The following AZU1 variants were observed in gnomAD, a reference collection of about 807,000 sequenced individuals.
The protein encoded by AZU1 is azurocidin 1.
AZU1 carries 21 observed loss-of-function variants against 17.8 expected under a neutral mutation model. That is an observed-to-expected ratio of 1.18 (90% CI 0.84 to 1.70). AZU1 has a LOEUF of 1.70. Ranked by LOEUF, AZU1 falls within the 40% of genes most tolerant of loss-of-function variation. The pLI is 0.00. For missense variants in AZU1, 379 were observed against 362.9 expected, an observed-to-expected ratio of 1.04 and a Z score of -0.36; for synonymous variants, 178 against 155.2, an observed-to-expected ratio of 1.15 and a Z score of -1.09.
Position 830,725 on chromosome 19 carries a change from C to G in AZU1, c.378C>G (p.Asn126Lys). Residue 126 changes from asparagine to lysine, a missense_variant, in exon 4 of 5, where the codon AAC becomes AAG. Transcript: ENST00000233997. The stretch of plus-strand genomic sequence containing the variant: ...TTCCCCAGCTGGACCGTGAGGCCAA[C>G]CTCACCAGCAGCGTGACGATACTGC... ...LMLLQLDREA[N>K]LTSSVTILPL... 1 of 1,577,802 alleles carries G rather than the reference C, an allele frequency of 6.3e-7. No homozygotes were observed.
chr19:828,514 G>A, intron 2 of AZU1, 128 bp downstream of exon 2: 1 of 1,014,722 alleles, frequency 9.9e-7, no homozygotes, highest in Admixed American at 3.4e-5. Flanking sequence ...AGGGGCTCAG[G>A]GAAAGGAGGG....
chr19:831,784 C>G lies in AZU1; in HGVS notation c.663C>G (p.Pro221=). The change falls in exon 5 of 5, where the codon CCC becomes CCG. Residue 221 remains proline, a synonymous_variant. Coordinates refer to ENST00000233997, the MANE Select transcript of AZU1 (RefSeq NM_001700.5). ...GCGTGGCCTCCTTTTCCCTGGGGCC[C>G]TGTGGCCGAGGCCCTGACTTCTTCA... ...AHGVASFSLG[P]CGRGPDFFTR... 4 of 1,612,626 alleles carry G rather than the reference C, an allele frequency of 2.5e-6. No homozygotes were observed. Among genetic ancestry groups the G allele is most frequent in the Non-Finnish European group, 2.5e-6 (3 of 1,179,784 alleles).
At chr19:831,277 T>G in intron 4 of AZU1, 1 of 333,668 alleles carries the variant, frequency 3.0e-6, no homozygotes, top group Non-Finnish European at 5.5e-6. Context: ...ACAGGGTTTC[T>G]CCATGTGGGT....
chr19:831,903 C>A lies in AZU1; in HGVS notation c.*26C>A. 6.3e-7 allele frequency: 1 copy of A among 1,596,138 alleles called. No homozygotes were observed. The highest frequency in any genetic ancestry group is 8.5e-7 in the Non-Finnish European group (1 of 1,169,710). On this transcript the variant is annotated 3_prime_UTR_variant, in exon 5 of 5. Transcript: ENST00000233997. ...GGGGGCCTGTGACCTCCCATGGAGC[C>A]CAGCCCCGCCCTCCACACCTCCGGC... is the stretch of plus-strand genomic sequence containing the variant.
chr19:828,946 G>C (rs1285481735), intron 2 of AZU1, among the ~76,000 whole-genome samples: 2 of 119,396 alleles, frequency 1.7e-5, no homozygotes, highest in African/African-American at 6.7e-5. Context: ...AAGGGAAGGG[G>C]GTCAGATGGA....
intron 1 of AZU1, 113 bp downstream of exon 1, chr19:828,017 C>A: frequency 1.4e-6 from 2 of 1,447,112 alleles, no homozygotes; most frequent in Admixed American, 2.0e-5. Context: ...GGTCACACAG[C>A]CAGCCCGGCC....
chr19:828,199 G>C, intron 1 of AZU1, 31 bp from the exon 2 acceptor site: 1 of 1,566,240 alleles, frequency 6.4e-7, no homozygotes, highest in Non-Finnish European at 8.6e-7. Flanking sequence ...TGGATTCTTG[G>C]GGATCTCAGA....
At chr19:828,573 T>C (rs568175222) in intron 2 of AZU1, among the ~76,000 whole-genome samples, 187 bp downstream of exon 2, 17 of 143,196 alleles carry the variant, frequency 1.2e-4, no homozygotes, top group African/African-American at 3.2e-4. Flanking sequence ...CCCAAGGATA[T>C]TGGGGGGCTC....
At chr19:829,252 G>A (rs1297785479) in intron 2 of AZU1, among the ~76,000 whole-genome samples, 23 of 148,918 alleles carry the variant, frequency 1.5e-4, no homozygotes, top group South Asian at 2.2e-4. Context: ...GGCTCAGATG[G>A]AGGAGGTGCA....
At chr19:828,931 C>T (rs1354626539) in intron 2 of AZU1, among the ~76,000 whole-genome samples, 2 of 109,290 alleles carry the variant, frequency 1.8e-5, no homozygotes, top group South Asian at 7.0e-4. Flanking sequence ...GGAGGAGGTG[C>T]GGAGAAGGGA....
intron 1 of AZU1, 106 bp from the exon 2 acceptor site, chr19:828,124 C>A: frequency 2.9e-6 from 4 of 1,375,338 alleles, no homozygotes; most frequent in Non-Finnish European, 4.0e-6. Context: ...GGGTGGGTCC[C>A]CCCGCAGCCC....
rs570804979 is a variant in AZU1, at chr19:830,840, C to T, written c.493C>T (p.Arg165Cys). 8.1e-6 allele frequency: 13 copies of T among 1,608,284 alleles called. No homozygotes were observed. Among genetic ancestry groups the T allele is most frequent in the African/African-American group, 4.0e-5 (3 of 74,926 alleles). The change falls in exon 4 of 5, where the codon CGT (arginine) becomes TGT (cysteine). Residue 165 changes from arginine to cysteine, a missense_variant. Transcript: ENST00000233997. ...GSQRSGGRLS[R>C]FPRFVNVTVT... is the part of the protein sequence containing the mutation. Reference sequence around the variant, plus strand: ...CCAGCGCAGTGGGGGGCGTCTCTCCCGTTTTCCCAGGTTTGTCAACGTGAC... The same window carrying T: ...CCAGCGCAGTGGGGGGCGTCTCTCCTGTTTTCCCAGGTTTGTCAACGTGAC...
chr19:830,862 T>G lies in AZU1; in HGVS notation c.515T>G (p.Val172Gly). 7 of 1,607,664 alleles carry G rather than the reference T, an allele frequency of 4.4e-6. No individual in the cohort carries two copies. The highest frequency in any genetic ancestry group is 5.9e-6 in the Non-Finnish European group (7 of 1,179,946). The change falls in exon 4 of 5, where the codon GTG (valine) becomes GGG (glycine). Residue 172 changes from valine (V) to glycine (G), a missense_variant. By Grantham distance (109) the Val-to-Gly change is moderately radical. Transcript: ENST00000233997. The part of the protein sequence containing the change: ...RLSRFPRFVN[V>G]TVTPEDQCRP... ...TCCCGTTTTCCCAGGTTTGTCAACG[T>G]GACTGTGACCCCCGAGGACCAGTGT...
intron 4 of AZU1, chr19:831,487 C>T: frequency 3.7e-6 from 2 of 543,756 alleles, no homozygotes; most frequent in South Asian, 2.8e-5. Flanking sequence ...GTGTGATTGC[C>T]AGGGGAGGGG....
At chr19:828,143 G>A in intron 1 of AZU1, 87 bp from the exon 2 acceptor site, 2 of 1,462,420 alleles carry the variant, frequency 1.4e-6, no homozygotes, top group Non-Finnish European at 1.8e-6. Context: ...CCCACTGGGT[G>A]GATAGAGCTG....
In AZU1 at chr19:828,360, G is replaced by C. The variant is rs755091033; in HGVS notation, c.189G>C (p.Met63Ile). The part of the protein sequence containing the change: ...GGALIHARFV[M>I]TAASCFQSQN... ...CCCTGATCCATGCCCGCTTCGTGATGACCGCGGCCAGCTGCTTCCAAAGCC... is the reference window on the plus strand; with the variant it reads ...CCCTGATCCATGCCCGCTTCGTGATCACCGCGGCCAGCTGCTTCCAAAGCC... Residue 63 changes from methionine to isoleucine, a missense_variant, in exon 2 of 5, where the codon ATG becomes ATC. Transcript: ENST00000233997. 1 of 1,596,852 alleles carries C rather than the reference G, an allele frequency of 6.3e-7. No homozygotes were observed. Among genetic ancestry groups the C allele is most frequent in the Admixed American group, 1.7e-5 (1 of 57,710 alleles).
Position 830,745 on chromosome 19 carries a change from T to TACTGCC in AZU1, c.405_410dup (p.Pro137_Leu138dup), listed in dbSNP as rs1568293205. 1.3e-6 allele frequency: 2 copies of TACTGCC among 1,596,358 alleles called. No individual in the cohort carries two copies. Among genetic ancestry groups the TACTGCC allele is most frequent in the East Asian group, 2.2e-5 (1 of 44,794 alleles). On this transcript the variant is annotated inframe_insertion, in exon 4 of 5. Coordinates refer to ENST00000233997, the MANE Select transcript of AZU1 (RefSeq NM_001700.5). Reference sequence around the variant, plus strand: ...GCCAACCTCACCAGCAGCGTGACGATACTGCCACTGCCTCTGCAGAACGCC... The same window carrying TACTGCC: ...GCCAACCTCACCAGCAGCGTGACGATACTGCCACTGCCACTGCCTCTGCAGAACGCC...
rs1440860562 is a variant in AZU1 at position 831,948 on chromosome 19, C to A, written c.*71C>A. 4.0e-6 allele frequency: 6 copies of A among 1,509,240 alleles called. No homozygotes were observed. In the Admixed American group the frequency reaches 7.9e-5, roughly 20 times the overall value. The allele number at this position is 1,509,240 out of a possible 1,614,324, so 93.5% of individuals were successfully genotyped here. On this transcript the variant is annotated 3_prime_UTR_variant, in exon 5 of 5. Coordinates refer to ENST00000233997, the MANE Select transcript of AZU1 (RefSeq NM_001700.5). ...TCCGGCGCTCCGCACCCACCTCCCACGGCCCCGCCCCTGCCCCCGCTCCGG... is the reference window on the plus strand; with the variant it reads ...TCCGGCGCTCCGCACCCACCTCCCAAGGCCCCGCCCCTGCCCCCGCTCCGG...
Position 831,857 on chromosome 19 carries a change from C to T in AZU1, c.736C>T (p.Pro246Ser), listed in dbSNP as rs1336034521. The change falls in exon 5 of 5, where the codon CCG (proline) becomes TCG (serine). Residue 246 changes from proline (P) to serine (S), a missense_variant. Physicochemically the swap from Pro to Ser is moderately conservative, Grantham distance 74. Transcript: ENST00000233997. ...CTGGATCGATGGTGTTCTCAACAAC[C>T]CGGGACCGGGGCCAGCCTAGGGGGG... ...RDWIDGVLNN[P>S]GPGPA 3.1e-6 allele frequency: 5 copies of T among 1,612,268 alleles called. No individual in the cohort carries two copies. In the South Asian group the frequency reaches 3.3e-5, roughly 11 times the overall value.
Sources: gnomAD v4.1 joint callset for allele counts (sites outside exome capture counted in the v4.1 genomes callset) on GRCh38, gnomAD v4.1.1 for gene constraint, MANE v1.5 for transcripts, NCBI Gene and HGNC (gene_info 2026-07-23, HGNC 2026-07-21) for gene names.